Variants in NIPAL2 observed in about 807,000 individuals in gnomAD.
NIPAL2 encodes NIPA-like protein 2.
In NIPAL2, 43 loss-of-function variants were observed where a neutral mutation model predicts 48.9. The observed-to-expected ratio is 0.88, with a 90% CI of 0.69 to 1.13. The LOEUF (loss-of-function observed/expected upper bound fraction) is 1.13, where lower values mean the gene tolerates loss of function less well. Ranked by LOEUF, NIPAL2 falls within the 50% of genes most tolerant of loss-of-function variation. The pLI, the probability that NIPAL2 is intolerant of heterozygous loss-of-function variation, is 0.00. For synonymous variants in NIPAL2, 167 were observed against 174.6 expected, an observed-to-expected ratio of 0.96 and a Z score of 0.34; for missense variants, 446 against 461.4, an observed-to-expected ratio of 0.97 and a Z score of 0.31.
chr8:98,271,454 T>C (rs995446405), intron 1 of NIPAL2, among the ~76,000 whole-genome samples: 2 of 152,112 alleles, frequency 1.3e-5, no homozygotes, highest in African/African-American at 4.8e-5. Flanking sequence ...TTTTTGTGTG[T>C]GGTTATTGTA....
intron 9 of NIPAL2, chr8:98,195,688 G>A (rs1747031459): frequency 2.8e-6 from 1 of 358,844 alleles, no homozygotes; most frequent in African/African-American, 2.2e-5. Context: ...AGGGCCAGTG[G>A]ATGTATCTTG....
intron 1 of NIPAL2, among the ~76,000 whole-genome samples, chr8:98,260,861 GCAGACTTAAATGTCCCTGTC>G (rs1301362272): frequency 6.6e-6 from 1 of 151,824 alleles, no homozygotes; most frequent in East Asian, 1.9e-4. Flanking sequence ...AGTAACCTCT[GCAGACTTAAATGTCCCTGTC>G]TGACAGCTTT....
chr8:98,205,031 C>T, intron 7 of NIPAL2, 80 bp downstream of exon 7: 2 of 1,429,696 alleles, frequency 1.4e-6, no homozygotes, highest in South Asian at 1.2e-5. Context: ...TTTTAATTAT[C>T]ATCTGAAGCC....
chr8:98,280,942 G>T (rs1181489231), intron 1 of NIPAL2, among the ~76,000 whole-genome samples: 1 of 151,400 alleles, frequency 6.6e-6, no homozygotes, highest in South Asian at 2.1e-4. Context: ...TCCTTTGCAG[G>T]CTCAGTGAAA....
chr8:98,246,056 G>T (rs939728124), intron 3 of NIPAL2, among the ~76,000 whole-genome samples: 2 of 152,182 alleles, frequency 1.3e-5, no homozygotes, highest in African/African-American at 4.8e-5. Flanking sequence ...GGGACAAAGA[G>T]AATTCGCAGC....
At chr8:98,215,280 C>T (rs1811518914) in intron 5 of NIPAL2, among the ~76,000 whole-genome samples, 2 of 152,096 alleles carry the variant, frequency 1.3e-5, no homozygotes, top group African/African-American at 2.4e-5. Context: ...CTATAGTTGC[C>T]CTGGTTCTGC....
At chr8:98,293,882 C>T (rs1191924019) in intron 1 of NIPAL2, 121 bp downstream of exon 1, 1 of 957,472 alleles carries the variant, frequency 1.0e-6, no homozygotes, top group African/African-American at 1.7e-5. Context: ...TCTTCCCACT[C>T]GGAGAGGCCG....
chr8:98,218,468 C>T (rs1811684441), intron 5 of NIPAL2, among the ~76,000 whole-genome samples: 1 of 152,076 alleles, frequency 6.6e-6, no homozygotes, highest in South Asian at 2.1e-4. Flanking sequence ...AGACCCGAGA[C>T]AGGCAATCTG....
chr8:98,202,874 A>G (rs73283715), intron 8 of NIPAL2, among the ~76,000 whole-genome samples: 5,242 of 152,298 alleles, frequency 0.034, 309 homozygotes, highest in African/African-American at 0.12. Context: ...TTCTACTTAG[A>G]AATCTCCAGA....
chr8:98,292,662 C>CT (rs1451011492), intron 1 of NIPAL2, among the ~76,000 whole-genome samples: 2 of 151,430 alleles, frequency 1.3e-5, no homozygotes, highest in Non-Finnish European at 2.9e-5. Flanking sequence ...AAACTAATGA[C>CT]TACAGAGGTT....
intron 1 of NIPAL2, among the ~76,000 whole-genome samples, chr8:98,260,995 G>C (rs1736560445): frequency 6.6e-6 from 1 of 152,224 alleles, no homozygotes; most frequent in South Asian, 2.1e-4. Context: ...AGCCTAACTG[G>C]GAGGCACCCA....
intron 9 of NIPAL2, among the ~76,000 whole-genome samples, chr8:98,195,492 T>C (rs1215163316): frequency 6.6e-6 from 1 of 152,180 alleles, no homozygotes; most frequent in Non-Finnish European, 1.5e-5. Context: ...AGCTGCACAC[T>C]CTTAACACAA....
chr8:98,258,248 GT>G (rs1563530708), intron 1 of NIPAL2, among the ~76,000 whole-genome samples: 1 of 152,180 alleles, frequency 6.6e-6, no homozygotes. Flanking sequence ...AGAATGGGGA[GT>G]TTGTGTTTAA....
chr8:98,277,789 A>G (rs1815562506), intron 1 of NIPAL2, among the ~76,000 whole-genome samples: 1 of 152,078 alleles, frequency 6.6e-6, no homozygotes, highest in African/African-American at 2.4e-5. Flanking sequence ...AGTATGTATC[A>G]CCTCTAGAGC....
chr8:98,281,344 G>C (rs1815819177), intron 1 of NIPAL2, among the ~76,000 whole-genome samples: 2 of 152,112 alleles, frequency 1.3e-5, no homozygotes, highest in East Asian at 3.9e-4. Flanking sequence ...ATGCTGGGAA[G>C]GGTACTGGGG....
chr8:98,202,569 G>A (rs548157613), intron 8 of NIPAL2, among the ~76,000 whole-genome samples: 10 of 152,146 alleles, frequency 6.6e-5, no homozygotes, highest in South Asian at 4.2e-4. Flanking sequence ...CCTCTCCCTC[G>A]CCCCATCTCT....
chr8:98,211,650 AT>A (rs1294499495), intron 6 of NIPAL2, among the ~76,000 whole-genome samples: 3 of 151,826 alleles, frequency 2.0e-5, no homozygotes, highest in East Asian at 1.9e-4. Context: ...TTACAAATAC[AT>A]TTTTTTAAAG....
At chr8:98,260,632 C>A (rs1814252462) in intron 1 of NIPAL2, among the ~76,000 whole-genome samples, 1 of 152,282 alleles carries the variant, frequency 6.6e-6, no homozygotes, top group Non-Finnish European at 1.5e-5. Context: ...GGTCCTACGC[C>A]CACGGAGTCT....
In NIPAL2 at chr8:98,192,198, T is replaced by C. The variant is rs556124305; in HGVS notation, c.*780A>G. 1 of 152,310 alleles carries C rather than the reference T, an allele frequency of 6.6e-6. No individual in the cohort carries two copies. Among genetic ancestry groups the C allele is most frequent in the South Asian group, 2.1e-4 (1 of 4,830 alleles). The allele number at this position is 152,310 out of a possible 1,614,324, so 9.4% of individuals were successfully genotyped here. ...TTATTAAAAAATAAACAAACATTAG[T>C]CCTACTTTTTGTCTCTAACGCTTCA... On this transcript the variant is annotated 3_prime_UTR_variant, in exon 11 of 11. Transcript: ENST00000430223.
Sources: gnomAD v4.1 joint callset for allele counts (sites outside exome capture counted in the v4.1 genomes callset) on GRCh38, gnomAD v4.1.1 for gene constraint, MANE v1.5 for transcripts, NCBI Gene and HGNC (gene_info 2026-07-23, HGNC 2026-07-21) for gene names.